Variants in ERBB4 observed in about 807,000 individuals in gnomAD.
The protein encoded by ERBB4 is erb-b2 receptor tyrosine kinase 4.
Under a neutral mutation model 158.0 loss-of-function variants are expected in ERBB4, and 42 were observed. That is an observed-to-expected ratio of 0.27 (90% CI 0.21 to 0.34). The LOEUF (loss-of-function observed/expected upper bound fraction) is 0.34, where lower values mean the gene tolerates loss of function less well. ERBB4 is among the 10% of genes least tolerant of loss of function. The pLI, the probability that ERBB4 is intolerant of heterozygous loss-of-function variation, is 1.00. For missense variants in ERBB4, 1,333 were observed against 1,624.1 expected (o/e 0.82, Z 3.08); for synonymous variants, 583 against 558.7 (o/e 1.04, Z -0.61).
chr2:212,416,165 T>C (rs910049732), intron 1 of ERBB4, among the ~76,000 whole-genome samples: 2 of 152,162 alleles, frequency 1.3e-5, no homozygotes, highest in Non-Finnish European at 2.9e-5. Flanking sequence ...AGCATCTTTC[T>C]GTACAAACTA....
At chr2:211,587,548 C>T (rs761713306) in intron 19 of ERBB4, among the ~76,000 whole-genome samples, 32 of 152,010 alleles carry the variant, frequency 2.1e-4, no homozygotes, top group Non-Finnish European at 4.1e-4. Flanking sequence ...AAGGATCCTC[C>T]CCTAGAGACT....
intron 1 of ERBB4, among the ~76,000 whole-genome samples, chr2:212,467,147 A>G (rs2106100436): frequency 6.6e-6 from 1 of 152,354 alleles, no homozygotes; most frequent in South Asian, 2.1e-4. Flanking sequence ...AAAGGAAAAC[A>G]GAGTATAAAA....
At chr2:211,431,124 T>C (rs2063740495) in intron 20 of ERBB4, 24 bp from the exon 21 acceptor site, 2 of 1,608,998 alleles carry the variant, frequency 1.2e-6, no homozygotes, top group South Asian at 1.1e-5. Context: ...AGTTCCTTAA[T>C]GATATTCAGT....
chr2:211,969,876 T>C (rs186415856), intron 2 of ERBB4, among the ~76,000 whole-genome samples: 109 of 152,192 alleles, frequency 7.2e-4, no homozygotes, highest in African/African-American at 2.3e-3. Flanking sequence ...ATGTTTTTCA[T>C]GTCTCTCTCC....
At chr2:212,214,852 T>A (rs2083049857) in intron 1 of ERBB4, among the ~76,000 whole-genome samples, 1 of 151,632 alleles carries the variant, frequency 6.6e-6, no homozygotes, top group East Asian at 1.9e-4. Flanking sequence ...TAGACACAAC[T>A]CTATGTTTAT....
chr2:212,242,508 C>G (rs2084146901), intron 1 of ERBB4, among the ~76,000 whole-genome samples: 1 of 151,992 alleles, frequency 6.6e-6, no homozygotes, highest in Admixed American at 6.6e-5. Flanking sequence ...AGATCATTAG[C>G]CCATAAACTT....
chr2:212,023,140 A>T (rs1479860913), intron 2 of ERBB4, among the ~76,000 whole-genome samples: 1 of 152,110 alleles, frequency 6.6e-6, no homozygotes, highest in Non-Finnish European at 1.5e-5. Flanking sequence ...ACACTGTTTA[A>T]TCTGGAGATC....
chr2:211,942,201 C>T (rs1344130286), intron 3 of ERBB4, among the ~76,000 whole-genome samples: 2 of 152,124 alleles, frequency 1.3e-5, no homozygotes, highest in East Asian at 1.9e-4. Flanking sequence ...AAAGGTACTA[C>T]ATTACTTGGA....
chr2:212,291,846 ACT>A (rs1262293272), intron 1 of ERBB4, among the ~76,000 whole-genome samples: 1 of 152,032 alleles, frequency 6.6e-6, no homozygotes, highest in African/African-American at 2.4e-5. Flanking sequence ...AGGATGTATA[ACT>A]CTATTTTTCA....
chr2:212,170,201 G>C (rs2081473841), intron 1 of ERBB4, among the ~76,000 whole-genome samples: 1 of 152,176 alleles, frequency 6.6e-6, no homozygotes, highest in Admixed American at 6.5e-5. Flanking sequence ...TCCAGGCTGA[G>C]GTGGTCTCAG....
At chr2:212,351,205 C>A (rs752861723) in intron 1 of ERBB4, among the ~76,000 whole-genome samples, 1 of 152,032 alleles carries the variant, frequency 6.6e-6, no homozygotes, top group South Asian at 2.1e-4. Context: ...AGGGCAGAGA[C>A]CCTAGGAATG....
At chr2:212,478,884 G>A (rs1693901273) in intron 1 of ERBB4, among the ~76,000 whole-genome samples, 1 of 152,106 alleles carries the variant, frequency 6.6e-6, no homozygotes, top group Admixed American at 6.6e-5. Flanking sequence ...TTGTGGGCAG[G>A]AATGATGATT....
At chr2:212,398,996 T>G (rs762239524) in intron 1 of ERBB4, among the ~76,000 whole-genome samples, 27 of 152,124 alleles carry the variant, frequency 1.8e-4, no homozygotes, top group Admixed American at 3.3e-4. Flanking sequence ...CAGGTTGGAG[T>G]GCAGTGGCGT....
At position 211,718,687 on chromosome 2, in the gene ERBB4, A is replaced by G. The variant is rs561342258; in HGVS notation, c.883+3706T>C. ...TAAATTTATATACTACTGATGAGCA[A>G]TCATATTCTTACACTTATTCACACA... is the stretch of plus-strand genomic sequence containing the variant. On this transcript the variant is annotated intron_variant, in intron 7 of 27. Coordinates refer to ENST00000342788, the MANE Select transcript of ERBB4 (RefSeq NM_005235.3). 2.4e-4 allele frequency among the ~76,000 whole-genome samples: 36 copies of G among 152,242 alleles called. 1 individual carries two copies. The South Asian group carries it at 7.5e-3, about 32-fold the overall frequency.
intron 1 of ERBB4, among the ~76,000 whole-genome samples, chr2:212,262,630 A>G (rs995164696): frequency 5.3e-5 from 8 of 152,168 alleles, no homozygotes; most frequent in Admixed American, 3.9e-4. Context: ...ATATGGCTCT[A>G]TACAAAAGTG....
chr2:212,402,240 G>C (rs1262043744), intron 1 of ERBB4, among the ~76,000 whole-genome samples: 2 of 151,916 alleles, frequency 1.3e-5, no homozygotes, highest in African/African-American at 4.8e-5. Flanking sequence ...TTTATGCTGA[G>C]TGAAAAAAAG....
intron 16 of ERBB4, among the ~76,000 whole-genome samples, chr2:211,638,181 A>G (rs1383453355): frequency 6.6e-6 from 1 of 151,520 alleles, no homozygotes. Flanking sequence ...TTTAACTTAT[A>G]TGGGATTTCC....
chr2:211,483,528 TTTTTC>T (rs1200338443), intron 20 of ERBB4, among the ~76,000 whole-genome samples: 2 of 151,784 alleles, frequency 1.3e-5, no homozygotes, highest in African/African-American at 4.8e-5. Context: ...TTTTTGTTTG[TTTTTC>T]TTTTGTTTGT....
intron 3 of ERBB4, among the ~76,000 whole-genome samples, chr2:211,864,785 G>A (rs2078161039): frequency 6.6e-6 from 1 of 152,094 alleles, no homozygotes; most frequent in South Asian, 2.1e-4. Flanking sequence ...GGGCAACATG[G>A]TAAAACCCCG....
Sources: allele counts gnomAD v4.1 joint callset (sites outside exome capture counted in the v4.1 genomes callset), GRCh38; gene constraint gnomAD v4.1.1; transcripts MANE v1.5; gene names NCBI Gene and HGNC (gene_info 2026-07-23, HGNC 2026-07-21).